Variants in CBX7 observed in about 807,000 individuals in gnomAD.
The protein encoded by CBX7 is chromobox 7.
CBX7 carries 14 observed loss-of-function variants against 31.4 expected under a neutral mutation model. That is an observed-to-expected ratio of 0.45 (90% confidence interval 0.29 to 0.70). The LOEUF is 0.70. CBX7 is among the 30% of genes least tolerant of loss of function. CBX7 has a pLI of 0.11. For missense variants in CBX7, 269 were observed against 351.9 expected (o/e 0.76, Z 1.89); for synonymous variants, 159 against 152.6 (o/e 1.04, Z -0.31).
At chr22:39,143,127 G>A (rs1406916470) in intron 2 of CBX7, among the ~76,000 whole-genome samples, 7 of 152,016 alleles carry the variant, frequency 4.6e-5, no homozygotes, top group African/African-American at 1.7e-4. Flanking sequence ...GCTGGCGGGC[G>A]CCTGTAATCC....
Position 39,152,298 on chromosome 22 carries a change from C to T in CBX7, c.69+78G>A. ...CCCCGCGCCCCGCTTTCCCCTTCAG[C>T]CCCAGCGTGGAGGGAGCGGTGCTGG... On this transcript the variant is annotated intron_variant, in intron 1 of 5. Transcript: ENST00000216133. The surrounding 1 kb of genome is among the most constrained non-coding windows in gnomAD (Gnocchi z 4.9). 1 of 977,118 alleles carries T rather than the reference C, an allele frequency of 1.0e-6. No individual in the cohort carries two copies. The highest frequency in any genetic ancestry group is 1.3e-6 in the Non-Finnish European group (1 of 748,852). The allele number at this position is 977,118 out of a possible 1,614,324, so 60.5% of individuals were successfully genotyped here.
chr22:39,137,211 A>G (rs1930285134), intron 4 of CBX7, among the ~76,000 whole-genome samples: 1 of 152,170 alleles, frequency 6.6e-6, no homozygotes, highest in Non-Finnish European at 1.5e-5. Flanking sequence ...TTTGCATTAT[A>G]TATACTAGCT....
chr22:39,134,640 G>C lies in CBX7; in HGVS notation c.359C>G (p.Ala120Gly), dbSNP rs146867783. Residue 120 changes from alanine (A) to glycine (G), a missense_variant, in exon 5 of 6, where the codon GCG (alanine) becomes GGG (glycine). Ala to Gly is a moderately conservative substitution (Grantham distance 60, BLOSUM62 0). Transcript: ENST00000216133. ...GSGSPEGVVK[A>G]GAPELVDKGP... ...CTTGTCCACCAGCTCAGGTGCCCCC[G>C]CCTTGACCACCCCCTCAGGGCTCCC... 6.3e-7 allele frequency: 1 copy of C among 1,587,052 alleles called. No individual in the cohort carries two copies. The highest frequency in any genetic ancestry group is 8.6e-7 in the Non-Finnish European group (1 of 1,166,374).
intron 2 of CBX7, among the ~76,000 whole-genome samples, chr22:39,145,215 T>G (rs1225307611): frequency 3.3e-5 from 5 of 151,812 alleles, no homozygotes; most frequent in Admixed American, 6.5e-5. Context: ...CAGCCCCAAG[T>G]GGGGGGCAGG....
At chr22:39,141,232 C>A in intron 3 of CBX7, 139 bp downstream of exon 3, 1 of 640,140 alleles carries the variant, frequency 1.6e-6, no homozygotes, top group Non-Finnish European at 2.7e-6. Flanking sequence ...ACCATTTTCA[C>A]CCAGCTGCAG....
In CBX7 at chr22:39,132,322, G is replaced by A. The variant is rs1569104256; in HGVS notation, c.*1569C>T. 1 of 152,196 alleles carries A rather than the reference G, an allele frequency of 6.6e-6. No homozygotes were observed. The highest frequency in any genetic ancestry group is 1.5e-5 in the Non-Finnish European group (1 of 68,054). 9.4% of individuals were successfully genotyped at this position (152,196 alleles called of 1,614,324 possible). ...CAGAGCAGAGCTGCGAGGAGGGCGG[G>A]CAGGTCTCAAACTTGCTGGCCGCAC... On this transcript the variant is annotated 3_prime_UTR_variant, in exon 6 of 6. Coordinates refer to ENST00000216133, the MANE Select transcript of CBX7 (RefSeq NM_175709.5).
At chr22:39,137,927 A>G (rs1869801328) in intron 4 of CBX7, among the ~76,000 whole-genome samples, 1 of 151,990 alleles carries the variant, frequency 6.6e-6, no homozygotes. Context: ...CACGCCTGTA[A>G]TCCCAGCACT....
intron 3 of CBX7, among the ~76,000 whole-genome samples, chr22:39,139,394 G>A (rs1930367068): frequency 6.6e-6 from 1 of 151,910 alleles, no homozygotes; most frequent in African/African-American, 2.4e-5. Context: ...AGACCAGCCT[G>A]GGTGACATGG....
chr22:39,139,894 C>A (rs993652158), intron 3 of CBX7, among the ~76,000 whole-genome samples: 1 of 151,866 alleles, frequency 6.6e-6, no homozygotes, highest in African/African-American at 2.4e-5. Context: ...CGCACCACTG[C>A]ACTCCAGCCT....
chr22:39,137,619 GATTAC>G (rs1164894154), intron 4 of CBX7, among the ~76,000 whole-genome samples: 1 of 152,196 alleles, frequency 6.6e-6, no homozygotes, highest in East Asian at 1.9e-4. Flanking sequence ...AAAGTGTTGG[GATTAC>G]AGGCATGAGC....
chr22:39,151,262 G>T (rs935233868), intron 1 of CBX7, among the ~76,000 whole-genome samples: 1 of 152,190 alleles, frequency 6.6e-6, no homozygotes, highest in African/African-American at 2.4e-5. Flanking sequence ...AGGAACAGCT[G>T]CCTCAATCAG....
chr22:39,149,757 A>G (rs766676894), intron 2 of CBX7, 32 bp downstream of exon 2: 5 of 1,605,866 alleles, frequency 3.1e-6, no homozygotes, highest in African/African-American at 1.3e-5. Flanking sequence ...CGGTAGGCAG[A>G]CAGACAGACA....
intron 1 of CBX7, among the ~76,000 whole-genome samples, chr22:39,151,182 G>C (rs918616598): frequency 4.6e-5 from 7 of 152,242 alleles, no homozygotes; most frequent in African/African-American, 1.7e-4. Flanking sequence ...AGCACGAAAA[G>C]CACTGAGCTT....
chr22:39,138,935 G>T (rs1157671168), intron 3 of CBX7, among the ~76,000 whole-genome samples: 1 of 152,222 alleles, frequency 6.6e-6, no homozygotes, highest in Non-Finnish European at 1.5e-5. Flanking sequence ...CTGCTGAGGG[G>T]GGACTTGCAG....
At chr22:39,149,637 C>T in intron 2 of CBX7, 152 bp downstream of exon 2, 1 of 700,508 alleles carries the variant, frequency 1.4e-6, no homozygotes. Context: ...GAAACTGAGG[C>T]CCAGAGAAGA....
chr22:39,137,293 G>A (rs1930288101), intron 4 of CBX7, among the ~76,000 whole-genome samples: 1 of 132,290 alleles, frequency 7.6e-6, no homozygotes, highest in African/African-American at 2.9e-5. Context: ...TCATTTTGGT[G>A]CTCAAAATGT....
chr22:39,134,150 C>T, intron 5 of CBX7, 102 bp from the exon 6 acceptor site: 5 of 1,259,154 alleles, frequency 4.0e-6, no homozygotes, highest in Non-Finnish European at 5.5e-6. Context: ...TCTGTGTCTT[C>T]AGTCAGCTCA....
At chr22:39,134,071 G>A (rs759707572) in intron 5 of CBX7, 23 bp from the exon 6 acceptor site, 5 of 1,575,058 alleles carry the variant, frequency 3.2e-6, no homozygotes, top group African/African-American at 2.7e-5. Flanking sequence ...ACACACAGAT[G>A]GGGGCAGCGT....
intron 4 of CBX7, among the ~76,000 whole-genome samples, chr22:39,137,427 C>A (rs1370334527): frequency 6.6e-6 from 1 of 152,068 alleles, no homozygotes; most frequent in African/African-American, 2.4e-5. Context: ...TGGCTCCCTG[C>A]AACCTCCACC....
Sources: gnomAD v4.1 joint callset for allele counts (sites outside exome capture counted in the v4.1 genomes callset) on GRCh38, gnomAD v4.1.1 for gene constraint, Gnocchi (gnomAD v3.1) non-coding constraint, MANE v1.5 for transcripts, NCBI Gene and HGNC (gene_info 2026-07-23, HGNC 2026-07-21) for gene names.